The following CAPN2 variants were observed in gnomAD, a reference collection of about 807,000 sequenced individuals.
CAPN2 encodes calpain 2, also known as calpain-2 catalytic subunit.
CAPN2 carries 92 observed loss-of-function variants against 102.3 expected under a neutral mutation model. That is an observed-to-expected ratio of 0.90 (90% CI 0.76 to 1.07). The LOEUF (loss-of-function observed/expected upper bound fraction) is 1.07. CAPN2 is among the 50% of genes least tolerant of loss of function. The pLI is 0.00. For missense variants in CAPN2, 800 were observed against 909.4 expected, an observed-to-expected ratio of 0.88 and a Z score of 1.55; for synonymous variants, 340 against 355.4, an observed-to-expected ratio of 0.96 and a Z score of 0.49.
intron 2 of CAPN2, among the ~76,000 whole-genome samples, chr1:223,739,266 C>G (rs754713709): frequency 3.3e-5 from 5 of 151,434 alleles, no homozygotes; most frequent in African/African-American, 4.9e-5. Context: ...TCACTGCAAC[C>G]TCCACCTCCC....
At chr1:223,718,869 C>T (rs1427862957) in intron 2 of CAPN2, among the ~76,000 whole-genome samples, 1 of 152,210 alleles carries the variant, frequency 6.6e-6, no homozygotes, top group Non-Finnish European at 1.5e-5. Context: ...GGTCTTCCTA[C>T]AGCTAAAGTG....
chr1:223,716,679 C>T lies in CAPN2; in HGVS notation c.238-1083C>T, dbSNP rs528083396. Reference sequence around the variant, plus strand: ...GTGTGCAACCCAAGCAGACATGAGACGCAGCTCCTTCAAGGCAAGGTTGCC... The same window carrying T: ...GTGTGCAACCCAAGCAGACATGAGATGCAGCTCCTTCAAGGCAAGGTTGCC... On this transcript the variant is annotated intron_variant, in intron 1 of 20. Coordinates refer to ENST00000295006, the MANE Select transcript of CAPN2 (RefSeq NM_001748.5). Among the ~76,000 whole-genome samples, 7 of 151,946 alleles carry T rather than the reference C, an allele frequency of 4.6e-5. No homozygotes were observed. In the South Asian group the frequency reaches 1.0e-3, roughly 23 times the overall value.
chr1:223,772,219 A>C lies in CAPN2; in HGVS notation c.2059A>C (p.Ile687Leu). 2 of 1,614,122 alleles carry C rather than the reference A, an allele frequency of 1.2e-6. No homozygotes were observed. Residue 687 changes from isoleucine to leucine, a missense_variant, in exon 20 of 21, where the codon ATA (isoleucine) becomes CTA (leucine). Transcript: ENST00000295006. The stretch of plus-strand genomic sequence containing the variant: ...GCTGGATCCCGAGAATACTGGAACA[A>C]TAGAGCTCGACCTTATCTCTGTGAG... ...KQLDPENTGT[I>L]ELDLISWLCF...
chr1:223,755,336 AC>A lies in CAPN2; in HGVS notation c.1136-142del. ...CTGCCATCTCCCACCATCCCCCACC[AC>A]CTCTTACCATCTCCCACCACCTCCC... On this transcript the variant is annotated intron_variant, in intron 9 of 20. Coordinates refer to ENST00000295006, the MANE Select transcript of CAPN2 (RefSeq NM_001748.5). This position sits in a 1 kb window ranked among gnomAD's most constrained non-coding sequence, Gnocchi z 4.1. The A allele has an allele frequency of 1.4e-6, 1 of 710,166 alleles. No individual in the cohort carries two copies. The highest frequency in any genetic ancestry group is 1.9e-5 in the South Asian group (1 of 53,738). 44.0% of individuals were successfully genotyped at this position (710,166 alleles called of 1,614,324 possible). A position where few individuals can be genotyped will look rare whatever the true frequency, so the allele number is the denominator to read the frequency against.
At chr1:223,705,759 C>T (rs550128952) in intron 1 of CAPN2, among the ~76,000 whole-genome samples, 7 of 152,316 alleles carry the variant, frequency 4.6e-5, no homozygotes, top group African/African-American at 1.7e-4. Context: ...GGATTTGCTG[C>T]CACATGTCAA....
chr1:223,744,904 G>T (rs1660714853), intron 3 of CAPN2, among the ~76,000 whole-genome samples: 1 of 152,074 alleles, frequency 6.6e-6, no homozygotes, highest in Non-Finnish European at 1.5e-5. Context: ...AATTAGCCGG[G>T]TGTGGTGGCA....
intron 12 of CAPN2, 123 bp from the exon 13 acceptor site, chr1:223,761,458 A>C: frequency 1.5e-6 from 1 of 645,902 alleles, no homozygotes; most frequent in Non-Finnish European, 2.6e-6. Context: ...CCCCCACCGC[A>C]GCCCTGCCCC....
At chr1:223,735,060 C>T (rs184095582) in intron 2 of CAPN2, among the ~76,000 whole-genome samples, 4 of 152,330 alleles carry the variant, frequency 2.6e-5, no homozygotes, top group East Asian at 3.9e-4. Context: ...GGTTCCAGGT[C>T]TCTAAAGCCC....
At chr1:223,709,666 A>G (rs1233512829), upstream of CAPN2, among the ~76,000 whole-genome samples, 1 of 152,074 alleles carries the variant, frequency 6.6e-6, no homozygotes, top group Non-Finnish European at 1.5e-5. Flanking sequence ...CATCTCAAAA[A>G]AAAAAAAGAG....
intron 6 of CAPN2, 70 bp from the exon 7 acceptor site, chr1:223,750,820 G>T: frequency 7.1e-7 from 1 of 1,413,978 alleles, no homozygotes; most frequent in Non-Finnish European, 9.8e-7. Flanking sequence ...GAAGGGGGTT[G>T]GAGGCCCAAG....
chr1:223,702,439 A>G (rs1221196594), intron 1 of CAPN2, among the ~76,000 whole-genome samples: 4 of 152,154 alleles, frequency 2.6e-5, no homozygotes, highest in African/African-American at 7.2e-5. Flanking sequence ...AAAACAAAAA[A>G]AAAGAAAAGG....
In CAPN2 at chr1:223,757,400, C is replaced by A. The variant is rs1002929962; in HGVS notation, c.1317+20C>A. The A allele has an allele frequency of 5.0e-6, 8 of 1,614,024 alleles. No individual in the cohort carries two copies. The highest frequency in any genetic ancestry group is 6.8e-6 in the Non-Finnish European group (8 of 1,179,948). ...GAGGAGGTACGTCTGGCCCATGTCCCGGGGTGCTCAGGTCACCAAAAAAGC... is the reference window on the plus strand; with the variant it reads ...GAGGAGGTACGTCTGGCCCATGTCCAGGGGTGCTCAGGTCACCAAAAAAGC... On this transcript the variant is annotated intron_variant, in intron 11 of 20. Coordinates refer to ENST00000295006, the MANE Select transcript of CAPN2 (RefSeq NM_001748.5).
chr1:223,772,148 CACTT>C (rs1236141247), intron 19 of CAPN2, 29 bp from the exon 20 acceptor site: 50 of 1,601,448 alleles, frequency 3.1e-5, no homozygotes, highest in Middle Eastern at 1.7e-4. Flanking sequence ...TCAGCTCACT[CACTT>C]GTGACACCCT....
At chr1:223,772,740 C>T (rs1165645997) in intron 20 of CAPN2, 1 of 154,950 alleles carries the variant, frequency 6.5e-6, no homozygotes, top group African/African-American at 2.4e-5. Context: ...TGTTATTGCA[C>T]TCATGTGTCT....
intron 18 of CAPN2, 50 bp from the exon 19 acceptor site, chr1:223,771,759 T>C (rs1265798723): frequency 8.6e-7 from 1 of 1,157,052 alleles, no homozygotes; most frequent in African/African-American, 1.5e-5. Flanking sequence ...CGCAGCTAAA[T>C]GGAACAATCT....
intron 5 of CAPN2, among the ~76,000 whole-genome samples, chr1:223,748,591 G>A (rs948129618): frequency 1.3e-5 from 2 of 152,212 alleles, no homozygotes; most frequent in Non-Finnish European, 1.5e-5. Flanking sequence ...TGGGGCGAGG[G>A]TGTGCTCAGT....
At chr1:223,749,658 A>C (rs1660837164) in intron 6 of CAPN2, among the ~76,000 whole-genome samples, 1 of 152,236 alleles carries the variant, frequency 6.6e-6, no homozygotes, top group Admixed American at 6.5e-5. Flanking sequence ...AAGTGCTCAG[A>C]GGTGACTCAC....
At chr1:223,720,415 G>A (rs1195911480) in intron 2 of CAPN2, among the ~76,000 whole-genome samples, 4 of 146,092 alleles carry the variant, frequency 2.7e-5, no homozygotes, top group South Asian at 4.3e-4. Flanking sequence ...TCCTGGGCTC[G>A]AGTGATCCTC....
At chr1:223,709,091 G>A (rs557566530), upstream of CAPN2, among the ~76,000 whole-genome samples, 2 of 152,258 alleles carry the variant, frequency 1.3e-5, no homozygotes, top group South Asian at 4.1e-4. Context: ...GGGTCTTGCT[G>A]TGTTCAGTCA....
Sources: gnomAD v4.1 joint callset for allele counts (sites outside exome capture counted in the v4.1 genomes callset) on GRCh38, gnomAD v4.1.1 for gene constraint, Gnocchi (gnomAD v3.1) non-coding constraint, MANE v1.5 for transcripts, NCBI Gene and HGNC (gene_info 2026-07-23, HGNC 2026-07-21) for gene names.